GCH1: variants seen among roughly 807,000 people sequenced by gnomAD.
GCH1 encodes the protein GTP cyclohydrolase 1.
Under a neutral mutation model 25.9 loss-of-function variants are expected in GCH1, and 5 were observed. The observed-to-expected ratio is 0.19, with a 90% CI of 0.10 to 0.41. The LOEUF (loss-of-function observed/expected upper bound fraction) is 0.41. Ranked by LOEUF, GCH1 falls within the 10% of genes least tolerant of loss-of-function variation. The probability of loss-of-function intolerance (pLI) is 1.00; values close to 1 mark genes in which losing one functional copy is unlikely to be tolerated. For synonymous variants in GCH1, 159 were observed against 129.6 expected, an observed-to-expected ratio of 1.23 and a Z score of -1.54; for missense variants, 261 against 336.5, an observed-to-expected ratio of 0.78 and a Z score of 1.75.
intron 1 of GCH1, among the ~76,000 whole-genome samples, chr14:54,867,570 A>T (rs1340720393): frequency 7.0e-6 from 1 of 141,874 alleles, no homozygotes; most frequent in Non-Finnish European, 1.5e-5. Context: ...CCTGGGCAAG[A>T]GAGAACAAGA....
At chr14:54,866,975 CCCTA>C (rs1382656749) in intron 1 of GCH1, among the ~76,000 whole-genome samples, 1 of 152,134 alleles carries the variant, frequency 6.6e-6, no homozygotes, top group Non-Finnish European at 1.5e-5. Context: ...GAATATTCTG[CCCTA>C]CCTTCAGTCT....
At chr14:54,865,271 A>G in intron 2 of GCH1, 56 bp downstream of exon 2, 1 of 817,676 alleles carries the variant, frequency 1.2e-6, no homozygotes, top group Non-Finnish European at 2.1e-6. Context: ...AATTATTCTA[A>G]TTGAAAAACT....
At chr14:54,873,832 C>T (rs1348201082) in intron 1 of GCH1, among the ~76,000 whole-genome samples, 1 of 152,182 alleles carries the variant, frequency 6.6e-6, no homozygotes, top group Non-Finnish European at 1.5e-5. Flanking sequence ...ATAACAGGCT[C>T]TGAAATTGAG....
At chr14:54,892,397 A>G (rs2040434727) in intron 1 of GCH1, among the ~76,000 whole-genome samples, 1 of 152,250 alleles carries the variant, frequency 6.6e-6, no homozygotes, top group Non-Finnish European at 1.5e-5. Flanking sequence ...ACAACATTGT[A>G]CAGAATGAAT....
At position 54,842,689 on chromosome 14, in the gene GCH1, G is replaced by A. The variant is rs1045414165; in HGVS notation, c.*1328C>T. The A allele has an allele frequency of 3.9e-6, 1 of 259,466 alleles. No individual in the cohort carries two copies. The highest frequency in any genetic ancestry group is 2.2e-5 in the African/African-American group (1 of 45,282). 16.1% of individuals were successfully genotyped at this position (259,466 alleles called of 1,614,324 possible). Reference sequence around the variant, plus strand: ...ACTTTTAGGGTAATGGGATGAATTTGAAGAGCACTATGTCAACCAAATACT... The same window carrying A: ...ACTTTTAGGGTAATGGGATGAATTTAAAGAGCACTATGTCAACCAAATACT... On this transcript the variant is annotated 3_prime_UTR_variant, in exon 6 of 6. Transcript: ENST00000491895.
At chr14:54,871,067 C>T (rs2040068886) in intron 1 of GCH1, among the ~76,000 whole-genome samples, 1 of 152,208 alleles carries the variant, frequency 6.6e-6, no homozygotes, top group Non-Finnish European at 1.5e-5. Flanking sequence ...GGGTCCCTGA[C>T]CCCCGAGTAG....
chr14:54,867,826 C>G (rs1362479703), intron 1 of GCH1, among the ~76,000 whole-genome samples: 1 of 152,060 alleles, frequency 6.6e-6, no homozygotes, highest in Non-Finnish European at 1.5e-5. Context: ...AGCTGCAAAG[C>G]TATGTATCTC....
At chr14:54,876,118 T>A (rs148153897) in intron 1 of GCH1, among the ~76,000 whole-genome samples, 9 of 152,056 alleles carry the variant, frequency 5.9e-5, no homozygotes, top group Non-Finnish European at 1.3e-4. Context: ...CAATGATAGA[T>A]TGGATTAAGA....
chr14:54,901,349 T>C (rs1458900719), intron 1 of GCH1, among the ~76,000 whole-genome samples: 1 of 151,536 alleles, frequency 6.6e-6, no homozygotes, highest in Non-Finnish European at 1.5e-5. Flanking sequence ...GTCCCAGCTG[T>C]AGAAGCCAGA....
rs1197211214 is a variant in GCH1, at chr14:54,902,722, C to T, written c.-59G>A. ...CCCCGGGGCGCTTCGAGGTCTGCGG[C>T]TAAACTCCGCCGGTGGCCGCGGACA... On this transcript the variant is annotated 5_prime_UTR_variant, in exon 1 of 6. Transcript: ENST00000491895. 2 of 1,395,542 alleles carry T rather than the reference C, an allele frequency of 1.4e-6. No homozygotes were observed. Among genetic ancestry groups the T allele is most frequent in the African/African-American group, 3.0e-5 (2 of 66,180 alleles). 86.4% of individuals were successfully genotyped at this position (1,395,542 alleles called of 1,614,324 possible).
intron 1 of GCH1, among the ~76,000 whole-genome samples, chr14:54,875,612 CA>C (rs1381703233): frequency 2.0e-5 from 3 of 151,974 alleles, no homozygotes; most frequent in African/African-American, 7.2e-5. Context: ...ACAATGAACT[CA>C]AACAAATTTA....
chr14:54,885,860 T>A (rs2040344432), intron 1 of GCH1: 1 of 179,426 alleles, frequency 5.6e-6, no homozygotes, highest in Non-Finnish European at 1.2e-5. Context: ...CTGCACTCCA[T>A]CCTGGGCGGC....
intron 1 of GCH1, among the ~76,000 whole-genome samples, chr14:54,891,526 C>T (rs2040423271): frequency 6.6e-6 from 1 of 151,678 alleles, no homozygotes; most frequent in African/African-American, 2.4e-5. Flanking sequence ...TCTCGTGCCT[C>T]AGCCTCCCGA....
chr14:54,866,333 G>C (rs949286925), intron 1 of GCH1, among the ~76,000 whole-genome samples: 10 of 151,890 alleles, frequency 6.6e-5, no homozygotes, highest in Admixed American at 2.6e-4. Context: ...TTGATAATAG[G>C]CAGGTACCCA....
At chr14:54,877,587 A>T (rs753649389) in intron 1 of GCH1, among the ~76,000 whole-genome samples, 1 of 151,878 alleles carries the variant, frequency 6.6e-6, no homozygotes, top group Non-Finnish European at 1.5e-5. Flanking sequence ...TCCACCTCCT[A>T]GGCTCAGGTG....
intron 4 of GCH1, among the ~76,000 whole-genome samples, chr14:54,846,892 C>T (rs1369400292): frequency 2.0e-5 from 3 of 152,136 alleles, no homozygotes; most frequent in Non-Finnish European, 2.9e-5. Flanking sequence ...GAAACCCCGT[C>T]TCTACTAGAA....
At chr14:54,885,686 C>G in intron 1 of GCH1, 1 of 214,284 alleles carries the variant, frequency 4.7e-6, no homozygotes, top group Non-Finnish European at 9.5e-6. Flanking sequence ...GTCAGGAGTT[C>G]GAGGCCAGCC....
intron 3 of GCH1, among the ~76,000 whole-genome samples, chr14:54,848,610 C>T (rs2039679962): frequency 6.6e-6 from 1 of 152,096 alleles, no homozygotes; most frequent in South Asian, 2.1e-4. Flanking sequence ...CATTTCCTGG[C>T]TCTTCCCCCA....
intron 1 of GCH1, among the ~76,000 whole-genome samples, chr14:54,896,679 G>A (rs1278455757): frequency 2.0e-5 from 3 of 151,736 alleles, no homozygotes; most frequent in Non-Finnish European, 2.9e-5. Context: ...TTGGGAGGCC[G>A]AGGCGGGCGG....
Sources: gnomAD v4.1 joint callset for allele counts (sites outside exome capture counted in the v4.1 genomes callset) on GRCh38, gnomAD v4.1.1 for gene constraint, MANE v1.5 for transcripts, NCBI Gene and HGNC (gene_info 2026-07-23, HGNC 2026-07-21) for gene names.